The following PCDHA2 variants were observed in gnomAD, a reference collection of about 807,000 sequenced individuals.
PCDHA2 encodes protocadherin alpha-2.
A neutral mutation model predicts 66.0 loss-of-function variants in PCDHA2; 58 were observed. That is an observed-to-expected ratio of 0.88 (90% CI 0.71 to 1.09). The LOEUF (loss-of-function observed/expected upper bound fraction) is 1.09. Among genes scored for constraint, PCDHA2 ranks in the 50% least tolerant of loss-of-function variants. The pLI is 0.00. For missense variants in PCDHA2, 1,267 were observed against 1,242.3 expected (o/e 1.02, Z -0.30); for synonymous variants, 634 against 554.0 (o/e 1.14, Z -2.03).
intron 1 of PCDHA2, among the ~76,000 whole-genome samples, chr5:140,935,834 C>G (rs1037488504): frequency 1.3e-5 from 2 of 151,624 alleles, no homozygotes; most frequent in African/African-American, 2.4e-5. Flanking sequence ...ACACATATTC[C>G]ATACTGCTTA....
chr5:140,858,015 C>T lies in PCDHA2; in HGVS notation c.2388+60663C>T, dbSNP rs781847343. ...GTGCTGGTGAAGGACCATGGCGAGC[C>T]GTCGCTGACGGCCACGGCCACTGTG... On this transcript the variant is annotated intron_variant, in intron 1 of 3. Transcript: ENST00000526136. The T allele has an allele frequency of 2.6e-5, 41 of 1,596,884 alleles. 4 individuals carry two copies. Among genetic ancestry groups the T allele is most frequent in the South Asian group, 1.2e-4 (11 of 90,482 alleles).
At chr5:140,822,870 C>T in intron 1 of PCDHA2, 2 of 1,614,224 alleles carry the variant, frequency 1.2e-6, no homozygotes, top group Non-Finnish European at 8.5e-7. Context: ...CTCCACTCAG[C>T]ACGGTCATTG....
intron 1 of PCDHA2, chr5:140,858,158 G>C: frequency 6.3e-7 from 1 of 1,597,732 alleles, no homozygotes; most frequent in Non-Finnish European, 8.6e-7. Flanking sequence ...CGCCATCTGC[G>C]CGGTGTCCAG....
chr5:140,985,063 G>C (rs2097134230), intron 3 of PCDHA2, among the ~76,000 whole-genome samples: 1 of 151,948 alleles, frequency 6.6e-6, no homozygotes, highest in African/African-American at 2.4e-5. Flanking sequence ...TCAGCCTCCT[G>C]AGTAGCTGAG....
At position 140,886,151 on chromosome 5, in the gene PCDHA2, T is replaced by G. The variant is rs184205776; in HGVS notation, c.2388+88799T>G. Reference sequence around the variant, plus strand: ...ACAACCAGATTCTTGATATCACCTTTTTATAGCCACATCTGCTTCCCTGCC... The same window carrying G: ...ACAACCAGATTCTTGATATCACCTTGTTATAGCCACATCTGCTTCCCTGCC... On this transcript the variant is annotated intron_variant, in intron 1 of 3. Coordinates refer to ENST00000526136, the MANE Select transcript of PCDHA2 (RefSeq NM_018905.3). Among the ~76,000 whole-genome samples, 468 of 152,312 alleles carry G rather than the reference T, an allele frequency of 3.1e-3. 3 individuals are homozygous for G. Among genetic ancestry groups the G allele is most frequent in the Middle Eastern group, 0.014 (4 of 294 alleles).
At chr5:140,856,750 C>A in intron 1 of PCDHA2, 1 of 1,596,268 alleles carries the variant, frequency 6.3e-7, no homozygotes, top group South Asian at 1.1e-5. Context: ...TGTTAGATGC[C>A]AATGATAACG....
chr5:140,843,741 A>T, intron 1 of PCDHA2: 3 of 1,536,408 alleles, frequency 2.0e-6, no homozygotes. Context: ...TTTAGAACTC[A>T]TAAATTCTAT....
intron 1 of PCDHA2, chr5:140,809,439 C>A (rs1187355294): frequency 6.2e-7 from 1 of 1,614,084 alleles, no homozygotes; most frequent in Non-Finnish European, 8.5e-7. Flanking sequence ...TGGTCATACT[C>A]GCAGCAGAGG....
At chr5:140,907,430 T>G (rs1554192988) in intron 1 of PCDHA2, among the ~76,000 whole-genome samples, 1 of 152,244 alleles carries the variant, frequency 6.6e-6, no homozygotes, top group Non-Finnish European at 1.5e-5. Context: ...TAAGGCATTC[T>G]GTGAGTCCAC....
intron 1 of PCDHA2, chr5:140,871,009 C>T (rs1288290775): frequency 1.9e-6 from 3 of 1,613,246 alleles, no homozygotes; most frequent in African/African-American, 2.7e-5. Flanking sequence ...AACGCGTGCC[C>T]TGGACGAGGC....
intron 1 of PCDHA2, chr5:140,808,735 G>A: frequency 2.5e-6 from 4 of 1,612,204 alleles, no homozygotes; most frequent in Non-Finnish European, 3.4e-6. Flanking sequence ...AGAGCGGCAA[G>A]GTGTACGCGC....
Position 140,918,450 on chromosome 5 carries a change from G to A in PCDHA2, c.2389-60499G>A, listed in dbSNP as rs7725108. On this transcript the variant is annotated intron_variant, in intron 1 of 3. Transcript: ENST00000526136. ...TGTTGAATAGGAGTGGTGACAGTGGGCATCCTTGTCTTATTCCAAGTCTCA... is the reference window on the plus strand; with the variant it reads ...TGTTGAATAGGAGTGGTGACAGTGGACATCCTTGTCTTATTCCAAGTCTCA... Among the ~76,000 whole-genome samples, 323 of 152,246 alleles carry A rather than the reference G, an allele frequency of 2.1e-3. 2 individuals carry two copies. The highest frequency in any genetic ancestry group is 7.4e-3 in the African/African-American group (306 of 41,540).
At chr5:141,006,755 A>G (rs1554260896) in intron 3 of PCDHA2, among the ~76,000 whole-genome samples, 1 of 152,190 alleles carries the variant, frequency 6.6e-6, no homozygotes, top group East Asian at 1.9e-4. Flanking sequence ...TAAATGGAGA[A>G]TGAAGAATAG....
intron 1 of PCDHA2, chr5:140,851,974 CT>C (rs1190115566): frequency 2.0e-6 from 2 of 976,536 alleles, no homozygotes; most frequent in African/African-American, 3.5e-5. Context: ...CACACTCTAC[CT>C]TTAGTGCAAG....
chr5:140,882,942 C>T (rs2059373370), intron 1 of PCDHA2: 1 of 1,614,224 alleles, frequency 6.2e-7, no homozygotes. Flanking sequence ...CTGACTGGCA[C>T]AGTTCAGCTG....
At chr5:140,912,897 G>T (rs782442093) in intron 1 of PCDHA2, among the ~76,000 whole-genome samples, 1 of 152,290 alleles carries the variant, frequency 6.6e-6, no homozygotes, top group East Asian at 1.9e-4. Context: ...TTGATATGAT[G>T]TATCATATTG....
chr5:140,808,872 C>G (rs782630901), intron 1 of PCDHA2: 1 of 1,613,186 alleles, frequency 6.2e-7, no homozygotes, highest in Non-Finnish European at 8.5e-7. Context: ...AACGACAACG[C>G]GCCAGCACTG....
intron 1 of PCDHA2, among the ~76,000 whole-genome samples, chr5:140,977,004 A>C (rs1554238156): frequency 6.6e-6 from 1 of 152,222 alleles, no homozygotes; most frequent in East Asian, 1.9e-4. Flanking sequence ...GAAATCTTGT[A>C]ACTGTGATTC....
rs2093299605 is a variant in PCDHA2 at position 140,942,442 on chromosome 5, TA to T, written c.2389-36504del. 4.0e-5 allele frequency among the ~76,000 whole-genome samples: 6 copies of T among 151,626 alleles called. No homozygotes were observed. In the South Asian group the frequency reaches 1.2e-3, roughly 31 times the overall value. ...AAAAAGATATCTAACAATAAACAAG[TA>T]AACTATCAATTATAATACAATCAAA... On this transcript the variant is annotated intron_variant, in intron 1 of 3. Coordinates refer to ENST00000526136, the MANE Select transcript of PCDHA2 (RefSeq NM_018905.3).
Sources: gnomAD v4.1 joint callset for allele counts (sites outside exome capture counted in the v4.1 genomes callset) on GRCh38, gnomAD v4.1.1 for gene constraint, MANE v1.5 for transcripts, NCBI Gene and HGNC (gene_info 2026-07-23, HGNC 2026-07-21) for gene names.